FUCA1: variants seen among roughly 807,000 people sequenced by gnomAD.
The protein encoded by FUCA1 is tissue alpha-L-fucosidase.
A neutral mutation model predicts 56.8 loss-of-function variants in FUCA1; 52 were observed. The observed-to-expected ratio is 0.92, with a 90% confidence interval of 0.73 to 1.15. The LOEUF (loss-of-function observed/expected upper bound fraction) is 1.15, where lower values mean the gene tolerates loss of function less well. Ranked by LOEUF, FUCA1 falls within the 50% of genes most tolerant of loss-of-function variation. The pLI, the probability that FUCA1 is intolerant of heterozygous loss-of-function variation, is 0.00. For missense variants in FUCA1, 568 were observed against 592.6 expected (o/e 0.96, Z 0.43); for synonymous variants, 230 against 226.6 (o/e 1.02, Z -0.14).
chr1:23,864,609 T>C (rs1272720259), intron 2 of FUCA1, among the ~76,000 whole-genome samples: 2 of 152,096 alleles, frequency 1.3e-5, no homozygotes, highest in Non-Finnish European at 1.5e-5. Context: ...ATCTAATCAA[T>C]ATCTCAGAGT....
At chr1:23,864,244 A>G (rs1021075076) in intron 2 of FUCA1, among the ~76,000 whole-genome samples, 3 of 151,688 alleles carry the variant, frequency 2.0e-5, no homozygotes, top group Non-Finnish European at 2.9e-5. Context: ...CCACCACCAC[A>G]CCCAGCTAAT....
intron 5 of FUCA1, among the ~76,000 whole-genome samples, chr1:23,851,094 T>C (rs1005089033): frequency 1.3e-5 from 2 of 152,164 alleles, no homozygotes; most frequent in African/African-American, 2.4e-5. Context: ...GTAACTGTTT[T>C]TTCATTCAGT....
chr1:23,852,231 G>T (rs1639277181), intron 5 of FUCA1, among the ~76,000 whole-genome samples: 1 of 151,694 alleles, frequency 6.6e-6, no homozygotes, highest in Admixed American at 6.6e-5. Flanking sequence ...GACCAGCCTG[G>T]GCAACATAGC....
At chr1:23,858,624 T>A (rs1309748806) in intron 4 of FUCA1, among the ~76,000 whole-genome samples, 2 of 152,242 alleles carry the variant, frequency 1.3e-5, no homozygotes, top group Non-Finnish European at 2.9e-5. Context: ...GATTTGGATA[T>A]AAGGGAAGTA....
intron 5 of FUCA1, among the ~76,000 whole-genome samples, chr1:23,849,657 A>G (rs1557506634): frequency 7.6e-6 from 1 of 132,184 alleles, no homozygotes; most frequent in Non-Finnish European, 1.5e-5. Flanking sequence ...ATCTCGGCTC[A>G]CTGCAACCTC....
At chr1:23,864,699 CTTTT>C (rs1461834969) in intron 2 of FUCA1, among the ~76,000 whole-genome samples, 6 of 148,168 alleles carry the variant, frequency 4.0e-5, no homozygotes, top group Admixed American at 1.4e-4. Context: ...CTCTTTTTGT[CTTTT>C]TTCTTTTTTT....
intron 5 of FUCA1, among the ~76,000 whole-genome samples, chr1:23,850,170 G>T: frequency 6.6e-6 from 1 of 151,666 alleles, no homozygotes; most frequent in Non-Finnish European, 1.5e-5. Context: ...ACAAAAATTA[G>T]CTGGGCACAG....
chr1:23,864,055 A>C (rs540480821), intron 2 of FUCA1, among the ~76,000 whole-genome samples: 1 of 151,554 alleles, frequency 6.6e-6, no homozygotes, highest in East Asian at 1.9e-4. Flanking sequence ...TTATTTATCT[A>C]AGATTTACTA....
At chr1:23,852,709 T>C (rs373947099) in intron 5 of FUCA1, among the ~76,000 whole-genome samples, 38,595 of 151,878 alleles carry the variant, frequency 0.25, 5,705 homozygotes, top group Non-Finnish European at 0.33. Flanking sequence ...AGCTCCTAAC[T>C]GCGAGTGATC....
At chr1:23,849,085 C>T (rs1006672763) in intron 5 of FUCA1, among the ~76,000 whole-genome samples, 2 of 151,858 alleles carry the variant, frequency 1.3e-5, no homozygotes, top group East Asian at 1.9e-4. Flanking sequence ...CCTGTTCAAG[C>T]GATTCTCCTG....
chr1:23,854,628 G>C, intron 4 of FUCA1, 68 bp from the exon 5 acceptor site: 2 of 1,280,558 alleles, frequency 1.6e-6, no homozygotes, highest in South Asian at 2.4e-5. Context: ...AATACACTTT[G>C]GTAAGGCTCT....
intron 7 of FUCA1, 57 bp from the exon 8 acceptor site, chr1:23,845,912 A>G (rs1639129738): frequency 1.2e-6 from 2 of 1,606,308 alleles, no homozygotes; most frequent in Non-Finnish European, 1.7e-6. Context: ...AGTATAGAAT[A>G]CAGGCTGACT....
At chr1:23,860,930 T>G (rs1419780341) in intron 3 of FUCA1, among the ~76,000 whole-genome samples, 2 of 151,934 alleles carry the variant, frequency 1.3e-5, no homozygotes, top group African/African-American at 4.8e-5. Flanking sequence ...TGAGCCACTG[T>G]GCCTGCCCTA....
rs777101315 is a variant in FUCA1, at chr1:23,865,765, T to C, written c.390-140A>G. 1.0e-3 allele frequency: 992 copies of C among 963,472 alleles called. 1 individual carries two copies. The highest frequency in any genetic ancestry group is 1.3e-3 in the Non-Finnish European group (793 of 604,238). The allele number at this position is 963,472 out of a possible 1,614,324, so 59.7% of individuals were successfully genotyped here. A position where few individuals can be genotyped will look rare whatever the true frequency, so the allele number is the denominator to read the frequency against. On this transcript the variant is annotated intron_variant, in intron 1 of 7. Transcript: ENST00000374479. ...CTTGTACCAGTGACTATATTAGTGA[T>C]ATCCAGGAAGCTGCTGCAGTCACAA... is the stretch of plus-strand genomic sequence containing the variant.
intron 2 of FUCA1, among the ~76,000 whole-genome samples, chr1:23,865,211 A>T (rs1301648005): frequency 1.3e-5 from 2 of 152,170 alleles, no homozygotes; most frequent in Non-Finnish European, 2.9e-5. Context: ...TATGTTGGGT[A>T]TCCTTCATCT....
intron 5 of FUCA1, among the ~76,000 whole-genome samples, chr1:23,851,199 A>C (rs1570675541): frequency 6.6e-6 from 1 of 152,124 alleles, no homozygotes; most frequent in Non-Finnish European, 1.5e-5. Context: ...CCCTGTCTCT[A>C]CTAAAAACAC....
At chr1:23,864,830 G>A (rs1049655560) in intron 2 of FUCA1, among the ~76,000 whole-genome samples, 4 of 151,074 alleles carry the variant, frequency 2.6e-5, no homozygotes, top group Non-Finnish European at 4.4e-5. Flanking sequence ...TCAGCCTCCC[G>A]AGTTGCTGGG....
At chr1:23,860,836 G>T (rs1639495453) in intron 3 of FUCA1, among the ~76,000 whole-genome samples, 1 of 151,556 alleles carries the variant, frequency 6.6e-6, no homozygotes, top group Non-Finnish European at 1.5e-5. Flanking sequence ...ACAGTGTTTT[G>T]CCATCTTGGC....
chr1:23,854,412 T>A lies in FUCA1; in HGVS notation c.917A>T (p.Tyr306Phe), dbSNP rs749790121. 1 of 1,614,138 alleles carries A rather than the reference T, an allele frequency of 6.2e-7. No individual in the cohort carries two copies. Among genetic ancestry groups the A allele is most frequent in the Non-Finnish European group, 8.5e-7 (1 of 1,180,014 alleles). The change falls in exon 5 of 8, where the codon TAT becomes TTT. Residue 306 changes from tyrosine to phenylalanine, a missense_variant. Transcript: ENST00000374479. ...ATCAGACAATGCCATGTCACGACGA[T>A]AGCCCCAGGAAAACTTGTCAATGCT... Reference protein sequence around the residue: ...CTSIDKFSWGYRRDMALSDVT... With the variant: ...CTSIDKFSWGFRRDMALSDVT...
Sources: gnomAD v4.1 joint callset for allele counts (sites outside exome capture counted in the v4.1 genomes callset) on GRCh38, gnomAD v4.1.1 for gene constraint, MANE v1.5 for transcripts, NCBI Gene and HGNC (gene_info 2026-07-23, HGNC 2026-07-21) for gene names.